The following ARHGAP17 variants were observed in gnomAD, a reference collection of about 807,000 sequenced individuals.
ARHGAP17 encodes the protein rho GTPase-activating protein 17.
ARHGAP17 carries 57 observed loss-of-function variants against 99.5 expected under a neutral mutation model. The observed-to-expected ratio is 0.57, with a 90% CI of 0.46 to 0.71. ARHGAP17 has a LOEUF of 0.71. Among genes scored for constraint, ARHGAP17 ranks in the 30% least tolerant of loss-of-function variants. ARHGAP17 has a pLI of 0.00. For synonymous variants in ARHGAP17, 417 were observed against 429.6 expected, an observed-to-expected ratio of 0.97 and a Z score of 0.36; for missense variants, 1,000 against 1,122.4, an observed-to-expected ratio of 0.89 and a Z score of 1.56.
intron 1 of ARHGAP17, among the ~76,000 whole-genome samples, chr16:25,013,118 G>A (rs766288491): frequency 1.2e-4 from 18 of 152,178 alleles, no homozygotes; most frequent in Admixed American, 2.0e-4. Flanking sequence ...TTACAAGAAC[G>A]CCCAGGAGAG....
In ARHGAP17 at chr16:24,935,528, C is replaced by T. The variant is rs1411675898; in HGVS notation, c.1836G>A (p.Gln612=). The T allele has an allele frequency of 6.2e-7, 1 of 1,613,400 alleles. No homozygotes were observed. Among genetic ancestry groups the T allele is most frequent in the South Asian group, 1.1e-5 (1 of 90,924 alleles). ...NQPQAAAGSH[Q]LSMGQPHNAA... ...CATTGTGAGGTTGGCCCATGGAGAG[C>T]TGGTGGGAGCCAGCAGCTGCCTGGG... Residue 612 remains glutamine (Q), a synonymous_variant, in exon 18 of 20, where the codon CAG becomes CAA. Coordinates refer to ENST00000289968, the MANE Select transcript of ARHGAP17 (RefSeq NM_001006634.3).
At chr16:24,976,920 G>A (rs1007589073) in intron 3 of ARHGAP17, among the ~76,000 whole-genome samples, 6 of 152,194 alleles carry the variant, frequency 3.9e-5, no homozygotes, top group African/African-American at 1.2e-4. Flanking sequence ...CAGGCTTTCC[G>A]CTTTCTGCCA....
intron 12 of ARHGAP17, among the ~76,000 whole-genome samples, chr16:24,951,069 A>T (rs1419110426): frequency 6.6e-6 from 1 of 151,956 alleles, no homozygotes; most frequent in Non-Finnish European, 1.5e-5. Flanking sequence ...TCTGGAGAGG[A>T]GGGGAGTCAG....
intron 6 of ARHGAP17, among the ~76,000 whole-genome samples, chr16:24,967,151 C>T (rs756581696): frequency 1.3e-5 from 2 of 152,238 alleles, no homozygotes; most frequent in Admixed American, 6.5e-5. Context: ...GATAATTGCA[C>T]TAGCAGAGTC....
chr16:25,011,563 G>A (rs928948650), intron 1 of ARHGAP17, among the ~76,000 whole-genome samples: 3 of 152,064 alleles, frequency 2.0e-5, no homozygotes, highest in East Asian at 1.9e-4. Context: ...AAATCAGTCG[G>A]GCATGGTGGT....
rs770536338 is a variant in ARHGAP17 at position 24,968,770 on chromosome 16, T to C, written c.275A>G (p.Lys92Arg). The C allele has an allele frequency of 1.2e-6, 2 of 1,614,178 alleles. No homozygotes were observed. The highest frequency in any genetic ancestry group is 1.7e-5 in the Admixed American group (1 of 60,028). The change falls in exon 5 of 20, where the codon AAG becomes AGG. Residue 92 changes from lysine (K) to arginine (R), a missense_variant and splice_region_variant. Coordinates refer to ENST00000289968, the MANE Select transcript of ARHGAP17 (RefSeq NM_001006634.3). The stretch of plus-strand genomic sequence containing the variant: ...AGCATCTCCACACGTCTCCAGCATC[T>C]TCCTTTAAAAACAAGACCCCCAACA... The part of the protein sequence containing the change: ...STQLEDSLLG[K>R]MLETCGDAEN...
intron 1 of ARHGAP17, among the ~76,000 whole-genome samples, chr16:24,997,327 T>C (rs1469640405): frequency 6.8e-6 from 1 of 146,502 alleles, no homozygotes; most frequent in Admixed American, 6.9e-5. Context: ...AGGCGCCCAG[T>C]ACACACCCGG....
chr16:24,987,747 T>C (rs1567255532), intron 1 of ARHGAP17, among the ~76,000 whole-genome samples: 1 of 152,226 alleles, frequency 6.6e-6, no homozygotes, highest in Admixed American at 6.5e-5. Context: ...GAGATCACTG[T>C]TCTGCTGGCT....
intron 10 of ARHGAP17, among the ~76,000 whole-genome samples, chr16:24,953,714 C>T (rs8049620): frequency 0.25 from 37,540 of 152,080 alleles, 9,435 homozygotes; most frequent in African/African-American, 0.65. Flanking sequence ...TAGTTCTTTA[C>T]AGCAGTGTGA....
chr16:24,980,104 G>T (rs1395831664), intron 1 of ARHGAP17, among the ~76,000 whole-genome samples: 2 of 152,218 alleles, frequency 1.3e-5, no homozygotes, highest in Non-Finnish European at 2.9e-5. Flanking sequence ...CGGAAATTCA[G>T]AACAGGGATT....
chr16:24,988,900 T>C (rs2141415985), intron 1 of ARHGAP17, among the ~76,000 whole-genome samples: 1 of 152,344 alleles, frequency 6.6e-6, no homozygotes, highest in Admixed American at 6.5e-5. Context: ...CAGTCACTCA[T>C]GGTACCTGCT....
At chr16:24,964,419 G>T (rs1023532125) in intron 6 of ARHGAP17, 111 bp from the exon 7 acceptor site, 10 of 749,548 alleles carry the variant, frequency 1.3e-5, no homozygotes, top group Non-Finnish European at 2.2e-5. Flanking sequence ...CTACCTGGAA[G>T]GGGTATCATT....
chr16:24,994,701 A>T (rs1597472470), intron 1 of ARHGAP17, among the ~76,000 whole-genome samples: 1 of 152,290 alleles, frequency 6.6e-6, no homozygotes, highest in East Asian at 1.9e-4. Flanking sequence ...CAGAGGAAGA[A>T]ACTGATGCAC....
chr16:24,987,389 T>C (rs1391932363), intron 1 of ARHGAP17, among the ~76,000 whole-genome samples: 1 of 152,238 alleles, frequency 6.6e-6, no homozygotes, highest in African/African-American at 2.4e-5. Flanking sequence ...ACCCCTGATC[T>C]ATGTACAAGT....
chr16:24,993,045 C>T (rs375587329), intron 1 of ARHGAP17, among the ~76,000 whole-genome samples: 16 of 152,170 alleles, frequency 1.1e-4, no homozygotes, highest in African/African-American at 3.1e-4. Flanking sequence ...AAGTGATCCT[C>T]CTGCCTCAGT....
chr16:24,954,575 G>A, intron 10 of ARHGAP17, 28 bp downstream of exon 10: 1 of 1,603,248 alleles, frequency 6.2e-7, no homozygotes, highest in South Asian at 1.1e-5. Context: ...TGGAGACTTG[G>A]TGCACAGGAT....
intron 3 of ARHGAP17, among the ~76,000 whole-genome samples, chr16:24,974,407 C>T (rs1012724265): frequency 7.2e-5 from 11 of 152,028 alleles, no homozygotes; most frequent in Non-Finnish European, 1.2e-4. Flanking sequence ...CCAGCCTGGG[C>T]GACACAGCAA....
At position 24,938,841 on chromosome 16, in the gene ARHGAP17, A is replaced by AT. The variant is rs554499715; in HGVS notation, c.1724+522_1724+523insA. ...TTTTCCACCTTGGACTCATGGATCA[A>AT]CTGCCCTACAAGACTGAAATCTGGG... On this transcript the variant is annotated intron_variant, in intron 17 of 19. Transcript: ENST00000289968. 1.9e-3 allele frequency among the ~76,000 whole-genome samples: 284 copies of AT among 152,304 alleles called. 3 individuals carry two copies. Among genetic ancestry groups the AT allele is most frequent in the African/African-American group, 6.6e-3 (276 of 41,564 alleles).
intron 10 of ARHGAP17, 37 bp downstream of exon 10, chr16:24,954,566 G>T (rs2051747961): frequency 6.3e-7 from 1 of 1,596,622 alleles, no homozygotes. Flanking sequence ...CAAGGGGCAT[G>T]GAGACTTGGT....
Sources: allele counts gnomAD v4.1 joint callset (sites outside exome capture counted in the v4.1 genomes callset), GRCh38; gene constraint gnomAD v4.1.1; transcripts MANE v1.5; gene names NCBI Gene and HGNC (gene_info 2026-07-23, HGNC 2026-07-21).